The following RB1 variants were observed in gnomAD, a reference collection of about 807,000 sequenced individuals.
RB1 encodes RB transcriptional corepressor 1.
A neutral mutation model predicts 135.4 loss-of-function variants in RB1; 18 were observed. That is an observed-to-expected ratio of 0.13 (90% confidence interval 0.09 to 0.20). The LOEUF is 0.20. Ranked by LOEUF, RB1 falls within the 10% of genes least tolerant of loss-of-function variation. RB1 has a pLI of 1.00. For synonymous variants in RB1, 365 were observed against 373.2 expected (o/e 0.98, Z 0.25); for missense variants, 868 against 1,110.0 (o/e 0.78, Z 3.10).
Position 48,480,151 on chromosome 13 carries a change from G to C in RB1, c.*80G>C. Reference sequence around the variant, plus strand: ...CAGATGTGACTGTATAACTTTCCCAGGTTCTGTTTATGGCCACATTTAATA... The same window carrying C: ...CAGATGTGACTGTATAACTTTCCCACGTTCTGTTTATGGCCACATTTAATA... On this transcript the variant is annotated 3_prime_UTR_variant, in exon 27 of 27. Transcript: ENST00000267163. 2.4e-6 allele frequency: 3 copies of C among 1,259,058 alleles called. No individual in the cohort carries two copies. Among genetic ancestry groups the C allele is most frequent in the Non-Finnish European group, 3.5e-6 (3 of 867,312 alleles). The allele number at this position is 1,259,058 out of a possible 1,614,324, so 78.0% of individuals were successfully genotyped here.
At chr13:48,364,126 A>G (rs1952669917) in intron 8 of RB1, among the ~76,000 whole-genome samples, 3 of 152,224 alleles carry the variant, frequency 2.0e-5, no homozygotes, top group Non-Finnish European at 4.4e-5. Flanking sequence ...CTCTTGAACA[A>G]CAGGTTTGAA....
At chr13:48,423,335 C>T (rs538691786) in intron 17 of RB1, among the ~76,000 whole-genome samples, 13 of 151,932 alleles carry the variant, frequency 8.6e-5, no homozygotes, top group African/African-American at 1.5e-4. Context: ...AGTGCAGTGG[C>T]GCGATCTCGG....
chr13:48,392,274 C>T lies in RB1; in HGVS notation c.1695+10831C>T, dbSNP rs541133917. On this transcript the variant is annotated intron_variant, in intron 17 of 26. Transcript: ENST00000267163. ...TAAAGGCACATGCCACCATGCCCGGCTAATTTTTGTATTTTTAGTAAAGAT... is the reference window on the plus strand; with the variant it reads ...TAAAGGCACATGCCACCATGCCCGGTTAATTTTTGTATTTTTAGTAAAGAT... Among the ~76,000 whole-genome samples the T allele has an allele frequency of 5.3e-5, 8 of 152,154 alleles. No individual in the cohort carries two copies. The East Asian group carries it at 1.6e-3, about 30-fold the overall frequency.
At chr13:48,443,642 T>C (rs1426823103) in intron 17 of RB1, among the ~76,000 whole-genome samples, 1 of 152,210 alleles carries the variant, frequency 6.6e-6, no homozygotes, top group Non-Finnish European at 1.5e-5. Flanking sequence ...ATTTTGCCAG[T>C]GTATCTTAAA....
intron 23 of RB1, among the ~76,000 whole-genome samples, chr13:48,471,876 C>A (rs1167278724): frequency 6.6e-6 from 1 of 152,158 alleles, no homozygotes; most frequent in South Asian, 2.1e-4. Context: ...AGGTCCATCC[C>A]TAATCCTGCT....
At chr13:48,381,213 T>G in intron 16 of RB1, 34 bp from the exon 17 acceptor site, 1 of 1,565,796 alleles carries the variant, frequency 6.4e-7, no homozygotes, top group Non-Finnish European at 8.7e-7. Flanking sequence ...GGGTTAATAT[T>G]TCATAAATAG....
chr13:48,385,284 G>A (rs1165649048), intron 17 of RB1, among the ~76,000 whole-genome samples: 2 of 152,062 alleles, frequency 1.3e-5, no homozygotes, highest in Non-Finnish European at 2.9e-5. Context: ...CTCCTGTGGA[G>A]GACATATTCA....
chr13:48,475,540 T>TA (rs1949499028), intron 24 of RB1, among the ~76,000 whole-genome samples: 1 of 152,246 alleles, frequency 6.6e-6, no homozygotes, highest in Non-Finnish European at 1.5e-5. Flanking sequence ...GCAGGGACTC[T>TA]GAGGGAGGCA....
intron 2 of RB1, among the ~76,000 whole-genome samples, chr13:48,315,009 G>A (rs1036107804): frequency 5.3e-5 from 8 of 151,900 alleles, no homozygotes; most frequent in Admixed American, 1.3e-4. Context: ...GACTATTCGG[G>A]CTCTTTTTCA....
Position 48,459,904 on chromosome 13 carries a change from T to TTCCTTCCTTCCTTC in RB1, c.2106+71_2106+72insTCCTTCCTTCCTTC, listed in dbSNP as rs1566235659. On this transcript the variant is annotated intron_variant, in intron 20 of 26. Transcript: ENST00000267163. Reference sequence around the variant, plus strand: ...TTAACTGATTCTTTCTTTCTTTCTTTCTTTCTTTCTTTCTTTCTTTCTTTC... The same window carrying TTCCTTCCTTCCTTC: ...TTAACTGATTCTTTCTTTCTTTCTTTTCCTTCCTTCCTTCCTTTCTTTCTTTCTTTCTTTCTTTC... The TTCCTTCCTTCCTTC allele has an allele frequency of 1.9e-5, 9 of 462,808 alleles. No individual in the cohort carries two copies. The African/African-American group carries it at 3.6e-4, about 19-fold the overall frequency. The allele number at this position is 462,808 out of a possible 1,614,324, so 28.7% of individuals were successfully genotyped here.
rs1305330337 is a variant in RB1, at chr13:48,319,970, G to A, written c.264+12564G>A. ...CGGGGCACTGCCGTGAGATAGTTCTGGCTTACATCTACTGCCACTGCCTGC... is the reference window on the plus strand; with the variant it reads ...CGGGGCACTGCCGTGAGATAGTTCTAGCTTACATCTACTGCCACTGCCTGC... On this transcript the variant is annotated intron_variant, in intron 2 of 26. Transcript: ENST00000267163. This position sits in a 1 kb window ranked among gnomAD's most constrained non-coding sequence, Gnocchi z 5.0. 5.3e-6 allele frequency: 2 copies of A among 379,552 alleles called. No homozygotes were observed. Among genetic ancestry groups the A allele is most frequent in the African/African-American group, 2.1e-5 (1 of 47,174 alleles). 23.5% of individuals were successfully genotyped at this position (379,552 alleles called of 1,614,324 possible). A position where few individuals can be genotyped will look rare whatever the true frequency, so the allele number is the denominator to read the frequency against.
intron 17 of RB1, among the ~76,000 whole-genome samples, chr13:48,430,768 A>ACT (rs200760336): frequency 9.2e-6 from 1 of 108,710 alleles, no homozygotes; most frequent in African/African-American, 3.0e-5. Context: ...AAACAAACAA[A>ACT]AAAAAAAAAC....
chr13:48,465,877 CTA>C, intron 23 of RB1, among the ~76,000 whole-genome samples: 1 of 150,242 alleles, frequency 6.7e-6, no homozygotes, highest in Non-Finnish European at 1.5e-5. Flanking sequence ...CACCACGAGA[CTA>C]TATCCCACAC....
chr13:48,402,041 T>C (rs1948696652), intron 17 of RB1, among the ~76,000 whole-genome samples: 1 of 152,176 alleles, frequency 6.6e-6, no homozygotes, highest in African/African-American at 2.4e-5. Context: ...GGTTTTATCA[T>C]TTAGTTTTTT....
In RB1 at chr13:48,480,811, T is replaced by G. The variant is rs969414641; in HGVS notation, c.*740T>G. ...TATTTTCTTCATCCAACTTATGTTT[T>G]TAAATGAGGATTATTGATAGTACTC... is the stretch of plus-strand genomic sequence containing the variant. On this transcript the variant is annotated 3_prime_UTR_variant, in exon 27 of 27. Coordinates refer to ENST00000267163, the MANE Select transcript of RB1 (RefSeq NM_000321.3). 1 of 227,200 alleles carries G rather than the reference T, an allele frequency of 4.4e-6. No individual in the cohort carries two copies. Among genetic ancestry groups the G allele is most frequent in the African/African-American group, 2.2e-5 (1 of 45,062 alleles). The allele number at this position is 227,200 out of a possible 1,614,324, so 14.1% of individuals were successfully genotyped here.
intron 17 of RB1, among the ~76,000 whole-genome samples, chr13:48,438,903 T>C (rs1287688748): frequency 6.6e-6 from 1 of 152,066 alleles, no homozygotes; most frequent in Non-Finnish European, 1.5e-5. Context: ...TCACAACAAC[T>C]CTATGTAGTG....
At chr13:48,318,807 G>T in intron 2 of RB1, 1 of 880,608 alleles carries the variant, frequency 1.1e-6, no homozygotes, top group African/African-American at 1.7e-5. Flanking sequence ...GCCCTGGGCA[G>T]CCTGCGAGCA....
intron 2 of RB1, among the ~76,000 whole-genome samples, chr13:48,311,245 A>C (rs1453670759): frequency 6.6e-6 from 1 of 152,244 alleles, no homozygotes; most frequent in East Asian, 1.9e-4. Context: ...TATGATATAC[A>C]TATCTCAAAG....
intron 17 of RB1, among the ~76,000 whole-genome samples, chr13:48,393,706 A>G (rs1474195264): frequency 3.3e-5 from 5 of 152,182 alleles, no homozygotes; most frequent in African/African-American, 9.7e-5. Flanking sequence ...CTGATGCATT[A>G]TACTGTTTCA....
Sources: gnomAD v4.1 joint callset for allele counts (sites outside exome capture counted in the v4.1 genomes callset) on GRCh38, gnomAD v4.1.1 for gene constraint, Gnocchi (gnomAD v3.1) non-coding constraint, MANE v1.5 for transcripts, NCBI Gene and HGNC (gene_info 2026-07-23, HGNC 2026-07-21) for gene names.